The following FYN variants were observed in gnomAD, a reference collection of about 807,000 sequenced individuals.
FYN encodes the protein tyrosine-protein kinase Fyn.
In FYN, 10 loss-of-function variants were observed where a neutral mutation model predicts 70.2. The ratio of observed to expected loss-of-function variants is 0.14; its 90% confidence interval spans 0.09 to 0.24. The LOEUF (loss-of-function observed/expected upper bound fraction) is 0.24, where lower values mean the gene tolerates loss of function less well. Ranked by LOEUF, FYN falls within the 10% of genes least tolerant of loss-of-function variation. FYN has a pLI of 1.00. For missense variants in FYN, 319 were observed against 673.1 expected (o/e 0.47, Z 5.82); for synonymous variants, 236 against 248.6 (o/e 0.95, Z 0.48).
At chr6:111,835,839 G>A (rs1773169889) in intron 2 of FYN, among the ~76,000 whole-genome samples, 1 of 151,354 alleles carries the variant, frequency 6.6e-6, no homozygotes, top group Non-Finnish European at 1.5e-5. Flanking sequence ...TGGGGGGAGG[G>A]GTTCTATGAA....
At chr6:111,861,962 A>G (rs1372265112) in intron 1 of FYN, among the ~76,000 whole-genome samples, 2 of 152,238 alleles carry the variant, frequency 1.3e-5, no homozygotes, top group African/African-American at 4.8e-5. Flanking sequence ...CAAAGTAAAC[A>G]AAATCAATGC....
chr6:111,824,904 A>T (rs9481194), intron 2 of FYN, among the ~76,000 whole-genome samples: 7,999 of 152,272 alleles, frequency 0.053, 486 homozygotes, highest in African/African-American at 0.15. Flanking sequence ...TGTCAAAAAG[A>T]ATCTTTATTT....
chr6:111,675,858 G>T (rs893758064), intron 12 of FYN, among the ~76,000 whole-genome samples: 5 of 150,972 alleles, frequency 3.3e-5, no homozygotes, highest in Admixed American at 1.3e-4. Flanking sequence ...TAAAATAAAA[G>T]GGATTCAGCA....
At chr6:111,774,699 C>T (rs1162624654) in intron 3 of FYN, among the ~76,000 whole-genome samples, 4 of 151,940 alleles carry the variant, frequency 2.6e-5, no homozygotes, top group African/African-American at 7.2e-5. Context: ...GCTTTTTCCC[C>T]CCCTACTTAT....
At chr6:111,861,797 A>G (rs549459137) in intron 1 of FYN, among the ~76,000 whole-genome samples, 54 of 152,366 alleles carry the variant, frequency 3.5e-4, no homozygotes, top group African/African-American at 1.3e-3. Flanking sequence ...GTCCCTCCCC[A>G]TGACCATGGA....
chr6:111,736,840 T>C (rs900558150), intron 3 of FYN, among the ~76,000 whole-genome samples: 19 of 152,226 alleles, frequency 1.2e-4, no homozygotes, highest in African/African-American at 2.4e-4. Flanking sequence ...CTCTTAAGAC[T>C]TGTATTTTCT....
At chr6:111,681,882 G>A (rs1440352313) in intron 12 of FYN, among the ~76,000 whole-genome samples, 2 of 152,242 alleles carry the variant, frequency 1.3e-5, no homozygotes, top group East Asian at 1.9e-4. Flanking sequence ...AAGGACAAGT[G>A]TAGATGACAG....
Position 111,661,673 on chromosome 6 carries a change from A to C in FYN, c.*66T>G. 1 of 1,455,986 alleles carries C rather than the reference A, an allele frequency of 6.9e-7. No homozygotes were observed. The highest frequency in any genetic ancestry group is 9.4e-7 in the Non-Finnish European group (1 of 1,058,970). 90.2% of individuals were successfully genotyped at this position (1,455,986 alleles called of 1,614,324 possible). A position where few individuals can be genotyped will look rare whatever the true frequency, so the allele number is the denominator to read the frequency against. On this transcript the variant is annotated 3_prime_UTR_variant, in exon 14 of 14. Coordinates refer to ENST00000354650, the MANE Select transcript of FYN (RefSeq NM_002037.5). This position sits in a 1 kb window ranked among gnomAD's most constrained non-coding sequence, Gnocchi z 4.0. The stretch of plus-strand genomic sequence containing the variant: ...CTGCTGGGGAGCAGCTGGCTACGGA[A>C]TTGAAAGCTAATGGGGAGGGGTGGG...
chr6:111,784,065 T>A (rs1771276034), intron 2 of FYN, among the ~76,000 whole-genome samples: 1 of 152,188 alleles, frequency 6.6e-6, no homozygotes, highest in Non-Finnish European at 1.5e-5. Flanking sequence ...TCTGGGAGCT[T>A]CTACTCACTC....
chr6:111,662,997 C>A (rs1797827119), intron 13 of FYN, among the ~76,000 whole-genome samples: 1 of 152,256 alleles, frequency 6.6e-6, no homozygotes, highest in Non-Finnish European at 1.5e-5. Flanking sequence ...GCCTCCTGCA[C>A]ACTGGCTGCC....
chr6:111,714,925 G>A (rs78891599), intron 4 of FYN, among the ~76,000 whole-genome samples: 126 of 152,262 alleles, frequency 8.3e-4, no homozygotes, highest in African/African-American at 2.6e-3. Context: ...TGCAGCTTGG[G>A]GAAATTTAGA....
chr6:111,753,737 T>C (rs970777772), intron 3 of FYN, among the ~76,000 whole-genome samples: 4 of 152,198 alleles, frequency 2.6e-5, no homozygotes, highest in African/African-American at 9.7e-5. Context: ...TGAAAGTAAT[T>C]TCAATTTAAG....
At chr6:111,662,133 A>G (rs895664111) in intron 13 of FYN, among the ~76,000 whole-genome samples, 186 bp from the exon 14 acceptor site, 2 of 152,260 alleles carry the variant, frequency 1.3e-5, no homozygotes, top group African/African-American at 4.8e-5. Context: ...GAACTGAGAC[A>G]TGAAAAATTC....
At chr6:111,797,651 C>CA (rs1207341805) in intron 2 of FYN, among the ~76,000 whole-genome samples, 1 of 127,430 alleles carries the variant, frequency 7.8e-6, no homozygotes, top group Non-Finnish European at 1.7e-5. Flanking sequence ...GCAACAAGCT[C>CA]AAAATCAAAG....
intron 3 of FYN, among the ~76,000 whole-genome samples, chr6:111,732,934 G>C (rs1488200258): frequency 6.6e-6 from 1 of 152,172 alleles, no homozygotes; most frequent in Non-Finnish European, 1.5e-5. Context: ...CGAGAGGCAT[G>C]AATATTGATC....
chr6:111,817,251 A>T (rs918311277), intron 2 of FYN, among the ~76,000 whole-genome samples: 1 of 152,150 alleles, frequency 6.6e-6, no homozygotes, highest in Non-Finnish European at 1.5e-5. Context: ...TAGCAACCAC[A>T]TATTTTCTAT....
intron 1 of FYN, among the ~76,000 whole-genome samples, chr6:111,852,898 T>C (rs1167665879): frequency 6.6e-6 from 1 of 152,212 alleles, no homozygotes; most frequent in Non-Finnish European, 1.5e-5. Flanking sequence ...TTTACTGTCC[T>C]TGGAAAGGCA....
chr6:111,763,359 A>G (rs1417297156), intron 3 of FYN, among the ~76,000 whole-genome samples: 1 of 152,186 alleles, frequency 6.6e-6, no homozygotes, highest in Non-Finnish European at 1.5e-5. Context: ...AAACTTCTAA[A>G]TTGATTGAAA....
chr6:111,865,423 A>G (rs1774077460), intron 1 of FYN, among the ~76,000 whole-genome samples: 1 of 152,228 alleles, frequency 6.6e-6, no homozygotes, highest in Non-Finnish European at 1.5e-5. Context: ...AAGTTTCATG[A>G]GTCAGTAAGC....
Sources: gnomAD v4.1 joint callset for allele counts (sites outside exome capture counted in the v4.1 genomes callset) on GRCh38, gnomAD v4.1.1 for gene constraint, Gnocchi (gnomAD v3.1) non-coding constraint, MANE v1.5 for transcripts, NCBI Gene and HGNC (gene_info 2026-07-23, HGNC 2026-07-21) for gene names.